TBC1D15: variants seen among roughly 807,000 people sequenced by gnomAD.
The protein encoded by TBC1D15 is GAP for RAB7.
A neutral mutation model predicts 95.4 loss-of-function variants in TBC1D15; 39 were observed. The ratio of observed to expected loss-of-function variants is 0.41; its 90% confidence interval spans 0.32 to 0.53. The LOEUF (loss-of-function observed/expected upper bound fraction) is 0.53. Ranked by LOEUF, TBC1D15 falls within the 20% of genes least tolerant of loss-of-function variation. The pLI is 0.29. For missense variants in TBC1D15, 733 were observed against 794.3 expected, an observed-to-expected ratio of 0.92 and a Z score of 0.93; for synonymous variants, 258 against 261.3, an observed-to-expected ratio of 0.99 and a Z score of 0.12.
chr12:71,904,748 T>C (rs1162017694), intron 10 of TBC1D15, among the ~76,000 whole-genome samples: 1 of 152,184 alleles, frequency 6.6e-6, no homozygotes, highest in Non-Finnish European at 1.5e-5. Flanking sequence ...AGTTCTCTCA[T>C]AGTTTCATTT....
intron 9 of TBC1D15, among the ~76,000 whole-genome samples, chr12:71,897,477 A>T (rs12426694): frequency 0.069 from 10,459 of 151,138 alleles, 719 homozygotes; most frequent in East Asian, 0.31. Context: ...CACATTTTTT[A>T]AAAAAAAAGT....
In TBC1D15 at chr12:71,894,576, T is replaced by C. The variant is rs1897815303; in HGVS notation, c.658-110T>C. On this transcript the variant is annotated intron_variant, in intron 6 of 16. Transcript: ENST00000485960. ...AAGATAATCTTAGAACACTCTGTTT[T>C]AGTCCTGATTTCTTTTCTTTTAAAA... 7 of 1,121,844 alleles carry C rather than the reference T, an allele frequency of 6.2e-6. No individual in the cohort carries two copies. The South Asian group carries it at 7.9e-5, about 13-fold the overall frequency. 69.5% of individuals were successfully genotyped at this position (1,121,844 alleles called of 1,614,324 possible).
chr12:71,840,433 T>G (rs955836336), intron 1 of TBC1D15, among the ~76,000 whole-genome samples: 5 of 152,218 alleles, frequency 3.3e-5, no homozygotes, highest in African/African-American at 1.2e-4. Flanking sequence ...AAATATTTAT[T>G]TCCTAGGCAT....
chr12:71,840,438 A>C (rs185530109), intron 1 of TBC1D15, among the ~76,000 whole-genome samples: 1 of 152,296 alleles, frequency 6.6e-6, no homozygotes, highest in African/African-American at 2.4e-5. Flanking sequence ...TTTATTTCCT[A>C]GGCATTTCAG....
chr12:71,879,576 A>G (rs1894716457), intron 3 of TBC1D15, among the ~76,000 whole-genome samples: 1 of 152,170 alleles, frequency 6.6e-6, no homozygotes, highest in African/African-American at 2.4e-5. Flanking sequence ...GCAGTGTGAG[A>G]TGGTCCATTT....
rs1351603109 is a variant in TBC1D15, at chr12:71,917,594, A to G, written c.1402-104A>G. The G allele has an allele frequency of 1.5e-5, 10 of 682,062 alleles. No individual in the cohort carries two copies. The East Asian group carries it at 2.6e-4, about 18-fold the overall frequency. The allele number at this position is 682,062 out of a possible 1,614,324, so 42.3% of individuals were successfully genotyped here. A position where few individuals can be genotyped will look rare whatever the true frequency, so the allele number is the denominator to read the frequency against. On this transcript the variant is annotated intron_variant, in intron 12 of 16. Coordinates refer to ENST00000485960, the MANE Select transcript of TBC1D15 (RefSeq NM_001146213.3). Reference sequence around the variant, plus strand: ...CATTTTTTAAGATTACCAGTGTGGTATAAGTTCAGCATTTGTCCTTAGACA... The same window carrying G: ...CATTTTTTAAGATTACCAGTGTGGTGTAAGTTCAGCATTTGTCCTTAGACA...
chr12:71,916,863 C>T (rs2139057618), intron 12 of TBC1D15, among the ~76,000 whole-genome samples: 1 of 152,244 alleles, frequency 6.6e-6, no homozygotes, highest in African/African-American at 2.4e-5. Context: ...GGCCCCTTCA[C>T]ACTCTCCAAT....
At chr12:71,915,944 T>C (rs972766813) in intron 12 of TBC1D15, among the ~76,000 whole-genome samples, 1 of 152,188 alleles carries the variant, frequency 6.6e-6, no homozygotes, top group Non-Finnish European at 1.5e-5. Context: ...TTCTGTTTTA[T>C]AGCTTTACTT....
chr12:71,876,731 T>C (rs974538194), intron 3 of TBC1D15, among the ~76,000 whole-genome samples: 1 of 152,158 alleles, frequency 6.6e-6, no homozygotes, highest in Non-Finnish European at 1.5e-5. Flanking sequence ...CTTGGCTTTA[T>C]TCTGAATTGG....
Position 71,923,299 on chromosome 12 carries a change from C to A in TBC1D15, c.*95C>A. ...ATTTGAAATCTTGGTATTGATCATG[C>A]TTTAAGGTTTATGTAAAGAAAGTGT... On this transcript the variant is annotated 3_prime_UTR_variant, in exon 17 of 17. Transcript: ENST00000485960. The A allele has an allele frequency of 1.8e-6, 2 of 1,130,194 alleles. No homozygotes were observed. The highest frequency in any genetic ancestry group is 2.6e-6 in the Non-Finnish European group (2 of 772,976). 70.0% of individuals were successfully genotyped at this position (1,130,194 alleles called of 1,614,324 possible).
chr12:71,861,065 A>G (rs1372498577), intron 1 of TBC1D15, among the ~76,000 whole-genome samples: 1 of 152,132 alleles, frequency 6.6e-6, no homozygotes, highest in African/African-American at 2.4e-5. Context: ...GTGTTTGATC[A>G]TGGTCAGTGA....
chr12:71,853,776 A>G (rs1008626056), intron 1 of TBC1D15, among the ~76,000 whole-genome samples: 5 of 152,226 alleles, frequency 3.3e-5, no homozygotes, highest in African/African-American at 9.6e-5. Context: ...GCTAAATGGT[A>G]TCAGCACTGC....
chr12:71,888,551 C>A (rs551807618), intron 5 of TBC1D15, among the ~76,000 whole-genome samples: 8 of 152,078 alleles, frequency 5.3e-5, no homozygotes, highest in Middle Eastern at 6.8e-3. Context: ...TAATAATTCA[C>A]CCCAGATTAG....
chr12:71,859,319 C>A (rs180837179), intron 1 of TBC1D15, among the ~76,000 whole-genome samples: 73 of 151,724 alleles, frequency 4.8e-4, no homozygotes, highest in South Asian at 8.3e-4. Context: ...TTGAGGTTTT[C>A]GACTTTCTTG....
chr12:71,849,101 TTTTTC>T (rs1887072430), intron 1 of TBC1D15: 2 of 191,436 alleles, frequency 1.0e-5, no homozygotes, highest in African/African-American at 4.7e-5. Flanking sequence ...GATATTAATT[TTTTTC>T]AAGTGTCTGA....
intron 1 of TBC1D15, chr12:71,849,813 A>G (rs1887309293): frequency 5.5e-6 from 3 of 549,442 alleles, no homozygotes; most frequent in Non-Finnish European, 7.1e-6. Context: ...ATCTGTTTCT[A>G]ACTCTAATAG....
chr12:71,862,653 T>C (rs1592715508), intron 1 of TBC1D15, among the ~76,000 whole-genome samples: 1 of 152,364 alleles, frequency 6.6e-6, no homozygotes, highest in Non-Finnish European at 1.5e-5. Flanking sequence ...TTGTTATTGA[T>C]AGGTGAGGAT....
chr12:71,849,545 T>A, intron 1 of TBC1D15: 2 of 719,274 alleles, frequency 2.8e-6, no homozygotes, highest in Non-Finnish European at 5.2e-6. Context: ...TCAACTTCAT[T>A]ATCACGTTAC....
intron 3 of TBC1D15, among the ~76,000 whole-genome samples, chr12:71,873,291 G>A (rs948969357): frequency 4.1e-4 from 63 of 151,934 alleles, no homozygotes; most frequent in African/African-American, 1.4e-3. Context: ...TAGACATTTC[G>A]TATAAATGGA....
Sources: allele counts gnomAD v4.1 joint callset (sites outside exome capture counted in the v4.1 genomes callset), GRCh38; gene constraint gnomAD v4.1.1; transcripts MANE v1.5; gene names NCBI Gene and HGNC (gene_info 2026-07-23, HGNC 2026-07-21).